Variants in DCDC1 observed in about 807,000 individuals in gnomAD.
The protein encoded by DCDC1 is doublecortin domain containing 1, also known as doublecortin domain-containing protein 1.
DCDC1 carries 200 observed loss-of-function variants against 178.3 expected under a neutral mutation model. The observed-to-expected ratio is 1.12, with a 90% CI of 1.00 to 1.26. The LOEUF is 1.26. Ranked by LOEUF, DCDC1 falls within the 50% of genes most tolerant of loss-of-function variation. The probability of loss-of-function intolerance (pLI) is 0.00; values close to 1 mark genes in which losing one functional copy is unlikely to be tolerated. For synonymous variants in DCDC1, 690 were observed against 604.8 expected, an observed-to-expected ratio of 1.14 and a Z score of -2.07; for missense variants, 1,983 against 1,749.2, an observed-to-expected ratio of 1.13 and a Z score of -2.38.
chr11:31,279,558 A>G (rs1946267779), intron 7 of DCDC1, among the ~76,000 whole-genome samples: 1 of 152,210 alleles, frequency 6.6e-6, no homozygotes, highest in Non-Finnish European at 1.5e-5. Flanking sequence ...AACACTATGC[A>G]GCCATAAAAA....
intron 27 of DCDC1, among the ~76,000 whole-genome samples, chr11:30,914,375 C>A (rs1453936575): frequency 6.6e-6 from 1 of 152,230 alleles, no homozygotes; most frequent in East Asian, 1.9e-4. Context: ...GAAGCTTGTG[C>A]AACCTCCCTC....
At chr11:31,355,139 AT>A (rs1564923626) in intron 1 of DCDC1, among the ~76,000 whole-genome samples, 1 of 152,208 alleles carries the variant, frequency 6.6e-6, no homozygotes, top group African/African-American at 2.4e-5. Context: ...TGCTTAAAAT[AT>A]AAGTGCTGGA....
chr11:31,047,106 T>C (rs1954890433), intron 20 of DCDC1, among the ~76,000 whole-genome samples: 1 of 152,186 alleles, frequency 6.6e-6, no homozygotes, highest in Admixed American at 6.5e-5. Context: ...AAATTCCATT[T>C]GAGTCTTATT....
intron 11 of DCDC1, among the ~76,000 whole-genome samples, chr11:31,115,393 C>G (rs574270240): frequency 2.6e-5 from 4 of 152,206 alleles, no homozygotes; most frequent in Non-Finnish European, 5.9e-5. Context: ...CTGGGCAGAC[C>G]ACCCAGGAAG....
chr11:31,233,288 T>C (rs1201945674), intron 9 of DCDC1, among the ~76,000 whole-genome samples: 2 of 152,192 alleles, frequency 1.3e-5, no homozygotes, highest in African/African-American at 4.8e-5. Context: ...TCACATATTT[T>C]AGCACTTATT....
At chr11:31,293,370 ACTCC>A (rs1947369993) in intron 6 of DCDC1, among the ~76,000 whole-genome samples, 1 of 152,010 alleles carries the variant, frequency 6.6e-6, no homozygotes, top group South Asian at 2.1e-4. Context: ...GCAAGAAACC[ACTCC>A]CACTAAGGCC....
intron 2 of DCDC1, among the ~76,000 whole-genome samples, chr11:31,331,225 T>C (rs980132937): frequency 1.3e-5 from 2 of 152,250 alleles, no homozygotes; most frequent in Admixed American, 6.5e-5. Flanking sequence ...TTTTGCACAT[T>C]GATTTTGTAT....
chr11:30,925,657 A>T (rs1387309075), intron 22 of DCDC1, among the ~76,000 whole-genome samples: 1 of 152,140 alleles, frequency 6.6e-6, no homozygotes, highest in Non-Finnish European at 1.5e-5. Context: ...TTCTGTGAAG[A>T]TTAAAGGTTG....
At chr11:31,302,958 A>T (rs1467639964) in intron 6 of DCDC1, among the ~76,000 whole-genome samples, 1 of 152,340 alleles carries the variant, frequency 6.6e-6, no homozygotes, top group African/African-American at 2.4e-5. Flanking sequence ...GAAATAAAAT[A>T]AGATCCATTT....
chr11:31,105,279 C>T (rs1958775085), intron 13 of DCDC1, among the ~76,000 whole-genome samples: 1 of 151,918 alleles, frequency 6.6e-6, no homozygotes, highest in African/African-American at 2.4e-5. Flanking sequence ...CAATTCTCAG[C>T]TGATTTTTAG....
intron 34 of DCDC1, among the ~76,000 whole-genome samples, chr11:30,897,675 G>C (rs951139801): frequency 9.2e-5 from 14 of 151,810 alleles, no homozygotes; most frequent in Non-Finnish European, 2.9e-5. Context: ...AGCCATACCA[G>C]GTGCTATTTT....
At chr11:31,016,014 A>G (rs1952466976) in intron 20 of DCDC1, among the ~76,000 whole-genome samples, 1 of 152,154 alleles carries the variant, frequency 6.6e-6, no homozygotes, top group Non-Finnish European at 1.5e-5. Context: ...ATATCTAGAG[A>G]TTGAGGATTT....
intron 7 of DCDC1, among the ~76,000 whole-genome samples, chr11:31,278,883 C>A (rs1428765957): frequency 1.3e-5 from 2 of 151,944 alleles, no homozygotes; most frequent in East Asian, 3.9e-4. Context: ...ATAAATCCTC[C>A]AAATTTGCTC....
chr11:31,119,665 T>C (rs995534258), intron 11 of DCDC1, among the ~76,000 whole-genome samples: 2 of 152,196 alleles, frequency 1.3e-5, no homozygotes, highest in Non-Finnish European at 1.5e-5. Context: ...AAATGAATGA[T>C]TGGAAACTTT....
At position 31,307,586 on chromosome 11, in the gene DCDC1, AAG is replaced by A. The variant is rs1352512848; in HGVS notation, c.434+51_434+52del. 5.0e-6 allele frequency: 8 copies of A among 1,593,592 alleles called. No individual in the cohort carries two copies. The African/African-American group carries it at 1.1e-4, about 21-fold the overall frequency. Reference sequence around the variant, plus strand: ...ATTGAAACATTATAAACTCTGCTCAAAGGAAAGAACTTCAACAATAGGTTAAA... The same window carrying A: ...ATTGAAACATTATAAACTCTGCTCAAGAAAGAACTTCAACAATAGGTTAAA... On this transcript the variant is annotated intron_variant, in intron 4 of 38. Transcript: ENST00000684477.
chr11:31,282,926 T>G (rs186374950), intron 7 of DCDC1, among the ~76,000 whole-genome samples: 132 of 152,334 alleles, frequency 8.7e-4, no homozygotes, highest in Non-Finnish European at 1.6e-3. Flanking sequence ...CTGTCTTGCA[T>G]TATTTCTAAA....
At chr11:31,312,397 G>A (rs1389796002) in intron 3 of DCDC1, among the ~76,000 whole-genome samples, 1 of 152,146 alleles carries the variant, frequency 6.6e-6, no homozygotes, top group African/African-American at 2.4e-5. Flanking sequence ...ATCTTGCTGT[G>A]ATGATTAATT....
chr11:30,897,846 T>G (rs753897591), intron 34 of DCDC1, among the ~76,000 whole-genome samples: 1 of 152,098 alleles, frequency 6.6e-6, no homozygotes, highest in Non-Finnish European at 1.5e-5. Flanking sequence ...GTCACATAAA[T>G]GGGTAATCAT....
At chr11:31,352,824 G>A (rs563438872) in intron 1 of DCDC1, among the ~76,000 whole-genome samples, 6 of 152,324 alleles carry the variant, frequency 3.9e-5, no homozygotes, top group African/African-American at 9.6e-5. Flanking sequence ...CCCTCTAGGA[G>A]TGAGGAAGAA....
Sources: gnomAD v4.1 joint callset for allele counts (sites outside exome capture counted in the v4.1 genomes callset) on GRCh38, gnomAD v4.1.1 for gene constraint, MANE v1.5 for transcripts, NCBI Gene and HGNC (gene_info 2026-07-23, HGNC 2026-07-21) for gene names.